DNAJC17: variants seen among roughly 807,000 people sequenced by gnomAD.
DNAJC17 encodes the protein DnaJ heat shock protein family (Hsp40) member C17.
In DNAJC17, 35 loss-of-function variants were observed where a neutral mutation model predicts 48.1. The observed-to-expected ratio is 0.73, with a 90% confidence interval of 0.56 to 0.96. The LOEUF is 0.96. Among genes scored for constraint, DNAJC17 ranks in the 50% least tolerant of loss-of-function variants. The probability of loss-of-function intolerance (pLI) is 0.00; values close to 1 mark genes in which losing one functional copy is unlikely to be tolerated. For synonymous variants in DNAJC17, 117 were observed against 142.7 expected (o/e 0.82, Z 1.28); for missense variants, 355 against 377.1 (o/e 0.94, Z 0.48).
Position 40,779,309 on chromosome 15 carries a change from G to A in DNAJC17, c.209C>T (p.Ala70Val), listed in dbSNP as rs779428930. The change falls in exon 4 of 11, where the codon GCT becomes GTT. Residue 70 changes from alanine (A) to valine (V), a missense_variant and splice_region_variant. Physicochemically the swap from Ala to Val is moderately conservative, Grantham distance 64. Coordinates refer to ENST00000220496, the MANE Select transcript of DNAJC17 (RefSeq NM_018163.3). ...LEVLTDAAAR[A>V]AYDKVRKAKK... Reference sequence around the variant, plus strand: ...GGCTTTCCTGACCTTGTCATATGCAGCCTGGCAGGAGAAAGGGGCACAGGG... The same window carrying A: ...GGCTTTCCTGACCTTGTCATATGCAACCTGGCAGGAGAAAGGGGCACAGGG... 6.8e-6 allele frequency: 11 copies of A among 1,613,870 alleles called. No individual in the cohort carries two copies. In the Admixed American group the frequency reaches 1.5e-4, roughly 22 times the overall value.
chr15:40,779,794 C>G, intron 2 of DNAJC17, 134 bp downstream of exon 2: 1 of 1,164,814 alleles, frequency 8.6e-7, no homozygotes, highest in East Asian at 2.5e-5. Flanking sequence ...AGGAGGGAAG[C>G]CCTGGGACCC....
At chr15:40,776,150 C>T (rs1405881744) in intron 6 of DNAJC17, 46 bp downstream of exon 6, 1 of 1,590,546 alleles carries the variant, frequency 6.3e-7, no homozygotes. Context: ...TCTGAGCAAT[C>T]TGGAGCTACC....
chr15:40,787,389 T>C (rs1410536244), intron 1 of DNAJC17, among the ~76,000 whole-genome samples: 3 of 152,200 alleles, frequency 2.0e-5, no homozygotes, highest in Admixed American at 1.3e-4. Context: ...ACCTCAACTA[T>C]GTCAATTACT....
At chr15:40,792,149 C>T (rs910446716) in intron 1 of DNAJC17, among the ~76,000 whole-genome samples, 1 of 152,248 alleles carries the variant, frequency 6.6e-6, no homozygotes, top group African/African-American at 2.4e-5. Flanking sequence ...GTTGCTCCTT[C>T]AAGCCCTTGT....
At chr15:40,776,794 A>G in intron 4 of DNAJC17, 167 bp from the exon 5 acceptor site, 2 of 643,724 alleles carry the variant, frequency 3.1e-6, no homozygotes, top group Non-Finnish European at 5.5e-6. Flanking sequence ...TTCCATTGAG[A>G]AAAATCACAG....
rs941025559 is a variant in DNAJC17 at position 40,767,247 on chromosome 15, C to A, written c.*693G>T. 1 of 1,579,628 alleles carries A rather than the reference C, an allele frequency of 6.3e-7. No homozygotes were observed. The highest frequency in any genetic ancestry group is 8.6e-7 in the Non-Finnish European group (1 of 1,163,088). On this transcript the variant is annotated 3_prime_UTR_variant, in exon 11 of 11. Transcript: ENST00000220496. ...GCAGTTATGAATACTACGTCGATGA[C>A]CCTCCCCGCATAGTCCTGGACAAGC...
chr15:40,767,918 G>A lies in DNAJC17; in HGVS notation c.*22C>T. ...GGTGACGTTGAAGAAAAGGGCTGAG[G>A]GGTGGATGGCTGGAGCTGGGGCTAC... is the stretch of plus-strand genomic sequence containing the variant. On this transcript the variant is annotated 3_prime_UTR_variant, in exon 11 of 11. Coordinates refer to ENST00000220496, the MANE Select transcript of DNAJC17 (RefSeq NM_018163.3). The A allele has an allele frequency of 1.9e-6, 3 of 1,610,704 alleles. No homozygotes were observed. The South Asian group carries it at 3.3e-5, about 18-fold the overall frequency.
chr15:40,792,299 T>C (rs1889827745), intron 1 of DNAJC17, among the ~76,000 whole-genome samples: 1 of 152,254 alleles, frequency 6.6e-6, no homozygotes, highest in Non-Finnish European at 1.5e-5. Flanking sequence ...AGCCTTTTCC[T>C]TGCAGTAATT....
Position 40,775,119 on chromosome 15 carries a change from A to G in DNAJC17, c.523-11T>C, listed in dbSNP as rs756105581. On this transcript the variant is annotated splice_polypyrimidine_tract_variant and intron_variant, in intron 7 of 10. Transcript: ENST00000220496. Reference sequence around the variant, plus strand: ...GCACTTCCATTTTAGCTGAAAAGAGAGCCTCATGAAACACTGATTCTTGGC... The same window carrying G: ...GCACTTCCATTTTAGCTGAAAAGAGGGCCTCATGAAACACTGATTCTTGGC... 6.2e-7 allele frequency: 1 copy of G among 1,613,972 alleles called. No individual in the cohort carries two copies. Among genetic ancestry groups the G allele is most frequent in the Non-Finnish European group, 8.5e-7 (1 of 1,179,950 alleles).
At chr15:40,773,325 GAC>G (rs1473306457) in intron 10 of DNAJC17, among the ~76,000 whole-genome samples, 1 of 152,148 alleles carries the variant, frequency 6.6e-6, no homozygotes, top group African/African-American at 2.4e-5. Context: ...GGCAGCCAGA[GAC>G]ACATCCAGAA....
chr15:40,779,112 T>G, intron 4 of DNAJC17, 111 bp downstream of exon 4: 4 of 1,113,890 alleles, frequency 3.6e-6, no homozygotes, highest in Non-Finnish European at 5.5e-6. Context: ...GCCCAGAGCC[T>G]GAGCCAAAAG....
chr15:40,774,029 T>TGTGGGGAGGCGAGGAGCACAAAGG (rs984843105), intron 9 of DNAJC17, among the ~76,000 whole-genome samples, 192 bp from the exon 10 acceptor site: 2 of 152,088 alleles, frequency 1.3e-5, no homozygotes, highest in African/African-American at 4.8e-5. Context: ...AGCTTTCTGA[T>TGTGGGGAGGCGAGGAGCACAAAGG]GTGGGGAGGC....
chr15:40,797,417 C>CTTT (rs869145933), intron 1 of DNAJC17, among the ~76,000 whole-genome samples: 1 of 143,706 alleles, frequency 7.0e-6, no homozygotes. Context: ...AGATTTCTTT[C>CTTT]TTTTTTTTTT....
At chr15:40,793,970 T>C (rs1319013036) in intron 1 of DNAJC17, among the ~76,000 whole-genome samples, 1 of 152,214 alleles carries the variant, frequency 6.6e-6, no homozygotes, top group Non-Finnish European at 1.5e-5. Context: ...AAGGTGATTA[T>C]GAAGGCACAT....
chr15:40,800,408 A>G (rs1890047698), intron 1 of DNAJC17, among the ~76,000 whole-genome samples: 1 of 152,002 alleles, frequency 6.6e-6, no homozygotes, highest in Non-Finnish European at 1.5e-5. Flanking sequence ...TGACTAGTGA[A>G]GTTGAGCATC....
chr15:40,768,044 T>C lies in DNAJC17; in HGVS notation c.811A>G (p.Arg271Gly), dbSNP rs1164117347. 6.3e-7 allele frequency: 1 copy of C among 1,583,110 alleles called. No homozygotes were observed. The highest frequency in any genetic ancestry group is 8.6e-7 in the Non-Finnish European group (1 of 1,167,034). The change falls in exon 11 of 11, where the codon AGG becomes GGG. Residue 271 changes from arginine (R) to glycine (G), a missense_variant. Physicochemically the swap from Arg to Gly is moderately radical, Grantham distance 125. Around this residue, in one of 3 missense-constraint regions of DNAJC17, gnomAD observed 88 missense variants for 67.7 expected, o/e 1.30. Coordinates refer to ENST00000220496, the MANE Select transcript of DNAJC17 (RefSeq NM_018163.3). ...ATCATGACGAGGCTCTCGTAGTCCCTCTCTGACAGCACTGAGCCCTGTCGG... is the reference window on the plus strand; with the variant it reads ...ATCATGACGAGGCTCTCGTAGTCCCCCTCTGACAGCACTGAGCCCTGTCGG... ...GLSKGSVLSERDYESLVMMRM... is the reference protein window; with the variant it reads ...GLSKGSVLSEGDYESLVMMRM...
chr15:40,787,986 C>A (rs566341994), intron 1 of DNAJC17, among the ~76,000 whole-genome samples: 1 of 152,202 alleles, frequency 6.6e-6, no homozygotes, highest in African/African-American at 2.4e-5. Context: ...GAGGCCGAGG[C>A]TGATAGGTTA....
At chr15:40,799,633 C>G (rs1391287742) in intron 1 of DNAJC17, among the ~76,000 whole-genome samples, 1 of 152,222 alleles carries the variant, frequency 6.6e-6, no homozygotes, top group East Asian at 1.9e-4. Context: ...GTTGTATATT[C>G]TCCTTTGTTG....
rs79217337 is a variant in DNAJC17, at chr15:40,767,872, T to TA, written c.*67dup. On this transcript the variant is annotated 3_prime_UTR_variant, in exon 11 of 11. Coordinates refer to ENST00000220496, the MANE Select transcript of DNAJC17 (RefSeq NM_018163.3). ...TATGTATGGGATAGAGGTAAAATCT[T>TA]AAAAAAAAAAAAAATTTATTGGTGA... The TA allele has an allele frequency of 0.079, 86,602 of 1,100,516 alleles. 88 individuals carry two copies. The highest frequency in any genetic ancestry group is 0.088 in the Non-Finnish European group (70,255 of 794,454). The allele number at this position is 1,100,516 out of a possible 1,614,324, so 68.2% of individuals were successfully genotyped here. A position where few individuals can be genotyped will look rare whatever the true frequency, so the allele number is the denominator to read the frequency against.
Sources: allele counts gnomAD v4.1 joint callset (sites outside exome capture counted in the v4.1 genomes callset), GRCh38; gene constraint gnomAD v4.1.1; regional missense constraint gnomAD v4.1.1; transcripts MANE v1.5; gene names NCBI Gene and HGNC (gene_info 2026-07-23, HGNC 2026-07-21).